Variants in TBCK observed in about 807,000 individuals in gnomAD.
The protein encoded by TBCK is TBC1 domain containing kinase.
Under a neutral mutation model 113.4 loss-of-function variants are expected in TBCK, and 99 were observed. The observed-to-expected ratio is 0.87, with a 90% confidence interval of 0.74 to 1.03. TBCK has a LOEUF of 1.03. Ranked by LOEUF, TBCK falls within the 50% of genes least tolerant of loss-of-function variation. The probability of loss-of-function intolerance (pLI) is 0.00; values close to 1 mark genes in which losing one functional copy is unlikely to be tolerated. For synonymous variants in TBCK, 369 were observed against 370.8 expected (o/e 1.00, Z 0.05); for missense variants, 1,045 against 1,061.3 (o/e 0.98, Z 0.21).
upstream of TBCK, chr4:106,316,652 T>C (rs1309399055): frequency 1.3e-6 from 2 of 1,519,974 alleles, no homozygotes; most frequent in East Asian, 2.5e-5. Context: ...ATCGTAGGGG[T>C]CTTCCTTCTC....
In TBCK at chr4:106,247,199, A is replaced by C; in HGVS notation, c.871T>G (p.Ser291Ala). 6.2e-7 allele frequency: 1 copy of C among 1,613,598 alleles called. No homozygotes were observed. Among genetic ancestry groups the C allele is most frequent in the South Asian group, 1.1e-5 (1 of 91,060 alleles). The change falls in exon 10 of 26, where the codon TCA becomes GCA. Residue 291 changes from serine (S) to alanine (A), a missense_variant. Transcript: ENST00000394708. ...AAATCAGCACATCTCAGAGAAGATG[A>C]AAACAGACTGGCAGGTTTGGTAAAG... ...TPFTKPASLF[S>A]SSLRCADLTL...
intron 12 of TBCK, among the ~76,000 whole-genome samples, chr4:106,239,236 T>C (rs890872198): frequency 1.3e-5 from 2 of 152,040 alleles, no homozygotes; most frequent in Non-Finnish European, 2.9e-5. Flanking sequence ...CCCTCTAGCT[T>C]TCCTGTCTCA....
At chr4:106,191,033 G>C (rs1312714155) in intron 22 of TBCK, among the ~76,000 whole-genome samples, 1 of 152,166 alleles carries the variant, frequency 6.6e-6, no homozygotes, top group Non-Finnish European at 1.5e-5. Context: ...TGCATCCATG[G>C]ATTTAACCAA....
At chr4:106,099,241 T>C (rs1197047214) in intron 24 of TBCK, among the ~76,000 whole-genome samples, 2 of 152,124 alleles carry the variant, frequency 1.3e-5, no homozygotes, top group African/African-American at 2.4e-5. Flanking sequence ...CTTTAAAATA[T>C]TGTTTAAAAT....
intron 20 of TBCK, among the ~76,000 whole-genome samples, chr4:106,207,306 C>G (rs1252668223): frequency 6.6e-6 from 1 of 152,164 alleles, no homozygotes; most frequent in Non-Finnish European, 1.5e-5. Context: ...AAATCACAAT[C>G]TCTACTGCAA....
At position 106,301,224 on chromosome 4, in the gene TBCK, A is replaced by AT. The variant is rs1450502149; in HGVS notation, c.194-6059dup. 7.9e-5 allele frequency among the ~76,000 whole-genome samples: 12 copies of AT among 152,034 alleles called. No individual in the cohort carries two copies. In the East Asian group the frequency reaches 2.3e-3, roughly 29 times the overall value. ...TCTTATGAAACTAATACAGATTAAA[A>AT]TTTATATGCTAGAGATACAGAATAA... On this transcript the variant is annotated intron_variant, in intron 2 of 25. Transcript: ENST00000394708.
At chr4:106,282,616 T>C (rs892413215) in intron 3 of TBCK, among the ~76,000 whole-genome samples, 3 of 152,186 alleles carry the variant, frequency 2.0e-5, no homozygotes, top group African/African-American at 7.2e-5. Context: ...ATCCATTCCA[T>C]TATTGTTTCA....
intron 3 of TBCK, among the ~76,000 whole-genome samples, chr4:106,275,348 T>C (rs2125761057): frequency 6.6e-6 from 1 of 152,150 alleles, no homozygotes; most frequent in South Asian, 2.1e-4. Flanking sequence ...ATACTTAACA[T>C]TTTTCCCTGA....
At chr4:106,313,061 G>C (rs1374672893) in intron 1 of TBCK, among the ~76,000 whole-genome samples, 1 of 152,106 alleles carries the variant, frequency 6.6e-6, no homozygotes, top group Non-Finnish European at 1.5e-5. Flanking sequence ...TAAAATCAAT[G>C]TGTTTTAATA....
intron 3 of TBCK, among the ~76,000 whole-genome samples, chr4:106,271,381 G>C (rs1290565607): frequency 6.6e-6 from 1 of 151,700 alleles, no homozygotes; most frequent in Non-Finnish European, 1.5e-5. Flanking sequence ...TCCTGTGTGT[G>C]TTGTTTTCTT....
At chr4:106,168,268 G>A (rs977820120) in intron 23 of TBCK, among the ~76,000 whole-genome samples, 1 of 151,680 alleles carries the variant, frequency 6.6e-6, no homozygotes, top group African/African-American at 2.4e-5. Flanking sequence ...ATAGATACAG[G>A]AAACACATTC....
upstream of TBCK, chr4:106,316,216 C>T (rs1184929672): frequency 1.6e-5 from 4 of 246,660 alleles, no homozygotes; most frequent in Non-Finnish European, 3.2e-5. Flanking sequence ...CTCTACCCTC[C>T]CCTCAGCCTG....
At chr4:106,155,864 G>A (rs537043054) in intron 23 of TBCK, among the ~76,000 whole-genome samples, 21 of 152,132 alleles carry the variant, frequency 1.4e-4, no homozygotes, top group Non-Finnish European at 2.5e-4. Flanking sequence ...ACATATCTCC[G>A]TTTCTCCAGG....
At chr4:106,176,190 C>A (rs1751646498) in intron 22 of TBCK, among the ~76,000 whole-genome samples, 1 of 152,026 alleles carries the variant, frequency 6.6e-6, no homozygotes, top group Non-Finnish European at 1.5e-5. Flanking sequence ...CATTTTAAAT[C>A]TAGCTATTTT....
chr4:106,227,776 A>G (rs1440061131), intron 19 of TBCK, among the ~76,000 whole-genome samples: 14 of 152,122 alleles, frequency 9.2e-5, no homozygotes, highest in African/African-American at 2.9e-4. Flanking sequence ...GTCTGCTCTA[A>G]AAGAACAGAA....
At chr4:106,187,127 T>C (rs1753115133) in intron 22 of TBCK, among the ~76,000 whole-genome samples, 1 of 152,190 alleles carries the variant, frequency 6.6e-6, no homozygotes, top group Non-Finnish European at 1.5e-5. Context: ...ACCGTGCTGT[T>C]TTGTTTACTG....
intron 25 of TBCK, among the ~76,000 whole-genome samples, chr4:106,081,395 T>C (rs1198181396): frequency 1.3e-5 from 2 of 152,150 alleles, no homozygotes; most frequent in East Asian, 3.9e-4. Flanking sequence ...TGGAAGCTGT[T>C]ATCCTCAGCA....
chr4:106,294,196 CT>C lies in TBCK; in HGVS notation c.266+897del, dbSNP rs201062605. 8.2e-4 allele frequency among the ~76,000 whole-genome samples: 121 copies of C among 147,882 alleles called. 1 individual carries two copies. Among genetic ancestry groups the C allele is most frequent in the South Asian group, 7.4e-3 (35 of 4,710 alleles). ...AATGTGATCCTTTCAGGAAAATAAT[CT>C]TTTTTTTTTTTGAGATGGAGTCGCG... On this transcript the variant is annotated intron_variant, in intron 3 of 25. Coordinates refer to ENST00000394708, the MANE Select transcript of TBCK (RefSeq NM_001163435.3).
At chr4:106,081,332 T>C (rs1355544252) in intron 25 of TBCK, among the ~76,000 whole-genome samples, 1 of 152,190 alleles carries the variant, frequency 6.6e-6, no homozygotes, top group African/African-American at 2.4e-5. Context: ...TGGAATACTA[T>C]GCAGCCATAA....
Sources: allele counts gnomAD v4.1 joint callset (sites outside exome capture counted in the v4.1 genomes callset), GRCh38; gene constraint gnomAD v4.1.1; transcripts MANE v1.5; gene names NCBI Gene and HGNC (gene_info 2026-07-23, HGNC 2026-07-21).